The following RANBP2 variants were observed in gnomAD, a reference collection of about 807,000 sequenced individuals.
RANBP2 encodes the protein RAN binding protein 2.
A neutral mutation model predicts 303.6 loss-of-function variants in RANBP2; 57 were observed. That is an observed-to-expected ratio of 0.19 (90% CI 0.15 to 0.23). The LOEUF (loss-of-function observed/expected upper bound fraction) is 0.23. RANBP2 is among the 10% of genes least tolerant of loss of function. The pLI, the probability that RANBP2 is intolerant of heterozygous loss-of-function variation, is 1.00. For missense variants in RANBP2, 3,138 were observed against 3,780.8 expected (o/e 0.83, Z 4.46); for synonymous variants, 1,167 against 1,301.5 (o/e 0.90, Z 2.23).
chr2:109,442,787 G>A, the RANBP2 span, among the ~76,000 whole-genome samples: 3 of 152,088 alleles, frequency 2.0e-5, no homozygotes, highest in African/African-American at 7.2e-5. Context: ...TTAACAGAAG[G>A]GAAAAGAAAC....
chr2:109,798,990 G>GC, the RANBP2 span, among the ~76,000 whole-genome samples: 2 of 15,486 alleles, frequency 1.3e-4, no homozygotes, highest in Non-Finnish European at 1.3e-4. Flanking sequence ...GGGGGAACTG[G>GC]CGGGCTCGGT....
chr2:108,758,811 T>C (rs1297281834), intron 18 of RANBP2, among the ~76,000 whole-genome samples: 3 of 151,892 alleles, frequency 2.0e-5, no homozygotes, highest in Non-Finnish European at 4.4e-5. Flanking sequence ...TGAGATGAGA[T>C]TATTCCTTAA....
chr2:108,879,093 G>A, the RANBP2 span, among the ~76,000 whole-genome samples: 6 of 152,248 alleles, frequency 3.9e-5, no homozygotes, highest in South Asian at 1.2e-3. Context: ...GATCAAAATT[G>A]GCTTAAGAAA....
the RANBP2 span, among the ~76,000 whole-genome samples, chr2:109,155,632 A>G: frequency 6.6e-6 from 1 of 152,048 alleles, no homozygotes; most frequent in South Asian, 2.1e-4. Context: ...AATTTTGGCT[A>G]TTTGTGATTT....
the RANBP2 span, among the ~76,000 whole-genome samples, chr2:109,072,683 C>T: frequency 6.6e-6 from 1 of 152,122 alleles, no homozygotes; most frequent in East Asian, 1.9e-4. Context: ...AGACCTTTGC[C>T]ACAGCTCCCC....
rs577317270 is a variant in RANBP2 at position 108,773,747 on chromosome 2, A to C, written c.8292+701A>C. Among the ~76,000 whole-genome samples, 7 of 152,026 alleles carry C rather than the reference A, an allele frequency of 4.6e-5. No homozygotes were observed. In the South Asian group the frequency reaches 1.5e-3, roughly 32 times the overall value. On this transcript the variant is annotated intron_variant, in intron 23 of 28. Coordinates refer to ENST00000283195, the MANE Select transcript of RANBP2 (RefSeq NM_006267.5). ...CTGCAACCTCTGCCTCCCAGGTTCA[A>C]GTGATTCTCCTGCCTCAGCCTCCCA...
At chr2:108,914,708 A>T in the RANBP2 span, among the ~76,000 whole-genome samples, 6 of 152,236 alleles carry the variant, frequency 3.9e-5, no homozygotes, top group East Asian at 9.7e-4. Flanking sequence ...CCACTCTCTC[A>T]CTTTTGTCTC....
chr2:109,433,695 G>A, the RANBP2 span, among the ~76,000 whole-genome samples: 14 of 152,216 alleles, frequency 9.2e-5, no homozygotes, highest in Non-Finnish European at 1.5e-4. Context: ...GCTCTAGTTC[G>A]CAAGGCAATC....
At chr2:108,905,395 A>G in the RANBP2 span, among the ~76,000 whole-genome samples, 2 of 152,196 alleles carry the variant, frequency 1.3e-5, no homozygotes, top group South Asian at 4.1e-4. Flanking sequence ...GTTTATGGAG[A>G]GATGCCACAT....
At chr2:108,790,995 C>G in the RANBP2 span, among the ~76,000 whole-genome samples, 1 of 152,036 alleles carries the variant, frequency 6.6e-6, no homozygotes, top group Non-Finnish European at 1.5e-5. Context: ...CTCCTGGGCT[C>G]AAGAGATACT....
At chr2:109,425,363 G>T in the RANBP2 span, among the ~76,000 whole-genome samples, 1 of 152,010 alleles carries the variant, frequency 6.6e-6, no homozygotes, top group East Asian at 1.9e-4. Context: ...TGAAGGTGGC[G>T]ACACTAAACA....
downstream of RANBP2, chr2:108,786,959 G>T (rs576478641): frequency 3.3e-4 from 449 of 1,364,576 alleles, 8 homozygotes; most frequent in South Asian, 5.4e-3. Context: ...CCTGCTGCTG[G>T]GGGGCGGCCC....
chr2:109,143,715 C>T, the RANBP2 span, among the ~76,000 whole-genome samples: 1 of 152,264 alleles, frequency 6.6e-6, no homozygotes, highest in Middle Eastern at 3.4e-3. Context: ...GATCGCACCA[C>T]TGCACTCCAG....
At chr2:109,002,458 C>G in the RANBP2 span, among the ~76,000 whole-genome samples, 3 of 152,204 alleles carry the variant, frequency 2.0e-5, no homozygotes, top group South Asian at 2.1e-4. Context: ...GCTGGAGTGG[C>G]CTTTCTATGA....
chr2:109,398,388 C>T, the RANBP2 span, among the ~76,000 whole-genome samples: 2 of 152,194 alleles, frequency 1.3e-5, no homozygotes, highest in Non-Finnish European at 2.9e-5. Flanking sequence ...ATCATGGCTC[C>T]TGGGGTTTTT....
the RANBP2 span, chr2:109,605,768 A>G: frequency 1.3e-5 from 2 of 152,220 alleles, no homozygotes; most frequent in South Asian, 4.1e-4. Context: ...GTAAATTATA[A>G]TTCTTTTCTA....
the RANBP2 span, among the ~76,000 whole-genome samples, chr2:109,188,655 C>T: frequency 1.3e-5 from 2 of 152,206 alleles, no homozygotes; most frequent in Non-Finnish European, 2.9e-5. Context: ...ATGCCGAGGG[C>T]TGGAATGCAA....
At chr2:109,630,185 C>CAT in the RANBP2 span, among the ~76,000 whole-genome samples, 87 of 152,020 alleles carry the variant, frequency 5.7e-4, no homozygotes, top group South Asian at 8.5e-3. Flanking sequence ...TATATGTGCA[C>CAT]ATATATATAT....
chr2:109,112,894 C>T, the RANBP2 span, among the ~76,000 whole-genome samples: 1 of 152,208 alleles, frequency 6.6e-6, no homozygotes, highest in South Asian at 2.1e-4. Context: ...ATAGGGAATC[C>T]TTTCCCCATT....
Sources: allele counts gnomAD v4.1 joint callset (sites outside exome capture counted in the v4.1 genomes callset), GRCh38; gene constraint gnomAD v4.1.1; transcripts MANE v1.5; gene names NCBI Gene and HGNC (gene_info 2026-07-23, HGNC 2026-07-21).